SNX13: variants seen among roughly 807,000 people sequenced by gnomAD.
SNX13 encodes sorting nexin-13.
In SNX13, 45 loss-of-function variants were observed where a neutral mutation model predicts 133.6. The ratio of observed to expected loss-of-function variants is 0.34; its 90% confidence interval spans 0.27 to 0.43. The LOEUF (loss-of-function observed/expected upper bound fraction) is 0.43, where lower values mean the gene tolerates loss of function less well. Ranked by LOEUF, SNX13 falls within the 20% of genes least tolerant of loss-of-function variation. SNX13 has a pLI of 1.00. For missense variants in SNX13, 1,032 were observed against 1,145.1 expected, an observed-to-expected ratio of 0.90 and a Z score of 1.43; for synonymous variants, 414 against 373.9, an observed-to-expected ratio of 1.11 and a Z score of -1.24.
At chr7:17,844,746 C>CAA (rs36046893) in intron 12 of SNX13, among the ~76,000 whole-genome samples, 20 of 134,182 alleles carry the variant, frequency 1.5e-4, no homozygotes, top group East Asian at 8.5e-4. Flanking sequence ...GTTGAACATA[C>CAA]AAAAAAAAAA....
chr7:17,919,085 G>A (rs1404297220), intron 1 of SNX13, among the ~76,000 whole-genome samples: 1 of 152,138 alleles, frequency 6.6e-6, no homozygotes, highest in East Asian at 1.9e-4. Context: ...ACTGGCCACT[G>A]CAAAAGAGGG....
intron 11 of SNX13, 130 bp downstream of exon 11, chr7:17,850,217 A>G (rs996007051): frequency 9.5e-6 from 4 of 420,720 alleles, no homozygotes; most frequent in African/African-American, 8.2e-5. Flanking sequence ...AGAAGAGAAA[A>G]CTCTTTTTAA....
chr7:17,824,753 A>G lies in SNX13; in HGVS notation c.1705+1269T>C, dbSNP rs193181743. On this transcript the variant is annotated intron_variant, in intron 17 of 25. Transcript: ENST00000428135. ...TATGCTGCTTCTTCAGTATTTACAT[A>G]TGTTTGTCAGGAAGAAATAACTTTT... Among the ~76,000 whole-genome samples the G allele has an allele frequency of 1.8e-3, 274 of 150,292 alleles. 1 individual carries two copies. The highest frequency in any genetic ancestry group is 6.4e-3 in the African/African-American group (261 of 40,672).
At chr7:17,839,546 T>G (rs1307334868) in intron 13 of SNX13, among the ~76,000 whole-genome samples, 1 of 151,994 alleles carries the variant, frequency 6.6e-6, no homozygotes, top group Non-Finnish European at 1.5e-5. Flanking sequence ...TTCTATCCTT[T>G]TACTTTCAGC....
chr7:17,838,332 C>G (rs1201986115), intron 13 of SNX13, among the ~76,000 whole-genome samples: 1 of 151,916 alleles, frequency 6.6e-6, no homozygotes, highest in African/African-American at 2.4e-5. Flanking sequence ...CATGTCTCCT[C>G]TTTCATTTAT....
intron 20 of SNX13, among the ~76,000 whole-genome samples, chr7:17,807,059 G>T (rs1398449855): frequency 6.6e-6 from 1 of 152,150 alleles, no homozygotes; most frequent in Non-Finnish European, 1.5e-5. Context: ...CTAGCTGCAG[G>T]AGTTTTTTTC....
chr7:17,839,908 A>T lies in SNX13; in HGVS notation c.1258T>A (p.Leu420Ile), dbSNP rs781164863. 3 of 1,612,180 alleles carry T rather than the reference A, an allele frequency of 1.9e-6. No homozygotes were observed. In the East Asian group the frequency reaches 6.7e-5, roughly 36 times the overall value. The change falls in exon 13 of 26, where the codon TTA becomes ATA. Residue 420 changes from leucine (L) to isoleucine (I), a missense_variant. Physicochemically the swap from Leu to Ile is conservative, Grantham distance 5. Coordinates refer to ENST00000428135, the MANE Select transcript of SNX13 (RefSeq NM_015132.5). Reference sequence around the variant, plus strand: ...TTTCCATCTCTCTGACGACTTAATAAAACTTCTAGCTGCTGTTGGGCGGTA... The same window carrying T: ...TTTCCATCTCTCTGACGACTTAATATAACTTCTAGCTGCTGTTGGGCGGTA... ...RVTAQQQLEVLLSRQRDGKHQ... is the reference protein window; with the variant it reads ...RVTAQQQLEVILSRQRDGKHQ...
At chr7:17,915,578 G>A (rs1799462518) in intron 1 of SNX13, among the ~76,000 whole-genome samples, 2 of 152,010 alleles carry the variant, frequency 1.3e-5, no homozygotes, top group Admixed American at 6.6e-5. Flanking sequence ...AACAGGTGAA[G>A]GAACTTACTC....
intron 9 of SNX13, among the ~76,000 whole-genome samples, chr7:17,862,968 T>A (rs568487656): frequency 4.4e-4 from 67 of 152,206 alleles, no homozygotes; most frequent in Middle Eastern, 3.4e-3. Flanking sequence ...TCGTATTGCC[T>A]CCACCACCCC....
At chr7:17,801,035 T>A (rs1215931968) in intron 22 of SNX13, among the ~76,000 whole-genome samples, 1 of 20,346 alleles carries the variant, frequency 4.9e-5, no homozygotes, top group African/African-American at 1.5e-4. Flanking sequence ...TATATATATA[T>A]ATATATATAT....
At chr7:17,801,545 G>A (rs1415175017) in intron 22 of SNX13, 43 bp downstream of exon 22, 3 of 1,469,670 alleles carry the variant, frequency 2.0e-6, no homozygotes, top group African/African-American at 1.4e-5. Context: ...GATATGCCAA[G>A]TATGACTTAA....
In SNX13 at chr7:17,873,558, G is replaced by A. The variant is rs781505359; in HGVS notation, c.723C>T (p.Phe241=). The stretch of plus-strand genomic sequence containing the variant: ...CAAAGTATCGCATGATCTTGTTCTG[G>A]AAATCTCCAGGAGGTAGCAATAAAT... ...LLYLLLPPGD[F]QNKIMRYFVR... Residue 241 remains phenylalanine, a synonymous_variant, in exon 8 of 26, where the codon TTC becomes TTT. Coordinates refer to ENST00000428135, the MANE Select transcript of SNX13 (RefSeq NM_015132.5). 1.3e-6 allele frequency: 2 copies of A among 1,585,598 alleles called. No homozygotes were observed. Among genetic ancestry groups the A allele is most frequent in the Admixed American group, 1.8e-5 (1 of 55,812 alleles).
At chr7:17,877,045 G>GAAAAAAAAAAAAA (rs57618763) in intron 5 of SNX13, among the ~76,000 whole-genome samples, 1 of 60,070 alleles carries the variant, frequency 1.7e-5, no homozygotes, top group Non-Finnish European at 3.6e-5. Context: ...GTTACTTTTT[G>GAAAAAAAAAAAAA]AAAAAAAAAA....
intron 8 of SNX13, among the ~76,000 whole-genome samples, chr7:17,871,197 G>T (rs1024715841): frequency 5.9e-5 from 9 of 152,060 alleles, no homozygotes; most frequent in Admixed American, 5.9e-4. Context: ...AGTAGAGACG[G>T]CGTTTCACCG....
At chr7:17,839,371 G>A (rs980698534) in intron 13 of SNX13, among the ~76,000 whole-genome samples, 15 of 151,548 alleles carry the variant, frequency 9.9e-5, no homozygotes, top group African/African-American at 3.1e-4. Flanking sequence ...AACTATAACC[G>A]TTGAATTGTC....
intron 1 of SNX13, among the ~76,000 whole-genome samples, chr7:17,931,439 T>C (rs1376164133): frequency 6.6e-6 from 1 of 152,230 alleles, no homozygotes; most frequent in African/African-American, 2.4e-5. Flanking sequence ...TTCAGTTTTA[T>C]AATTTCCAAA....
intron 15 of SNX13, among the ~76,000 whole-genome samples, chr7:17,833,131 A>G (rs1788714664): frequency 1.3e-5 from 2 of 151,612 alleles, no homozygotes; most frequent in South Asian, 2.1e-4. Flanking sequence ...AGAACATACC[A>G]GAAAGATCAT....
chr7:17,815,281 T>C (rs986617622), intron 19 of SNX13, among the ~76,000 whole-genome samples: 6 of 152,186 alleles, frequency 3.9e-5, no homozygotes, highest in African/African-American at 1.4e-4. Context: ...TGCATAACAA[T>C]TCTAGGGTTA....
chr7:17,846,126 C>T (rs1229505456), intron 11 of SNX13, among the ~76,000 whole-genome samples: 1 of 151,894 alleles, frequency 6.6e-6, no homozygotes, highest in Non-Finnish European at 1.5e-5. Context: ...AGTAATTTTG[C>T]TCCTAACTCA....
Sources: allele counts gnomAD v4.1 joint callset (sites outside exome capture counted in the v4.1 genomes callset), GRCh38; gene constraint gnomAD v4.1.1; transcripts MANE v1.5; gene names NCBI Gene and HGNC (gene_info 2026-07-23, HGNC 2026-07-21).